The following STARD9 variants were observed in gnomAD, a reference collection of about 807,000 sequenced individuals.
STARD9 encodes StAR related lipid transfer domain containing 9.
A neutral mutation model predicts 399.8 loss-of-function variants in STARD9; 346 were observed. The observed-to-expected ratio is 0.87, with a 90% CI of 0.79 to 0.95. The LOEUF is 0.95. Among genes scored for constraint, STARD9 ranks in the 40% least tolerant of loss-of-function variants. The pLI, the probability that STARD9 is intolerant of heterozygous loss-of-function variation, is 0.00. For missense variants in STARD9, 5,832 were observed against 5,667.5 expected (o/e 1.03, Z -0.93); for synonymous variants, 2,203 against 2,143.5 (o/e 1.03, Z -0.77).
At chr15:42,676,126 G>T (rs1409889613) in intron 20 of STARD9, among the ~76,000 whole-genome samples, 151 bp downstream of exon 20, 1 of 152,186 alleles carries the variant, frequency 6.6e-6, no homozygotes, top group Non-Finnish European at 1.5e-5. Context: ...CAAGTCATTT[G>T]ATGATGCTGA....
chr15:42,680,884 C>T (rs2060413631), intron 20 of STARD9, among the ~76,000 whole-genome samples: 1 of 151,910 alleles, frequency 6.6e-6, no homozygotes, highest in Admixed American at 6.6e-5. Flanking sequence ...CTTTGGGTCA[C>T]ACACACACAG....
chr15:42,581,394 A>G, intron 1 of STARD9: 1 of 1,503,038 alleles, frequency 6.7e-7, no homozygotes, highest in Non-Finnish European at 9.2e-7. Context: ...GCAATAGTCA[A>G]GAGGTAGCTG....
chr15:42,636,097 G>A (rs1187795708), intron 4 of STARD9, among the ~76,000 whole-genome samples: 2 of 152,124 alleles, frequency 1.3e-5, no homozygotes, highest in East Asian at 3.9e-4. Flanking sequence ...AGGAATTTGA[G>A]AACAGTCTAG....
chr15:42,719,114 A>T (rs114427996), intron 32 of STARD9, among the ~76,000 whole-genome samples: 1 of 152,300 alleles, frequency 6.6e-6, no homozygotes, highest in African/African-American at 2.4e-5. Context: ...GGAGTTTATC[A>T]ATCTTTTCTG....
chr15:42,602,261 A>G (rs947959900), intron 3 of STARD9, among the ~76,000 whole-genome samples: 2 of 152,248 alleles, frequency 1.3e-5, no homozygotes, highest in Admixed American at 6.5e-5. Context: ...TTATCTCTTA[A>G]AGCCAAAGCC....
At position 42,694,646 on chromosome 15, in the gene STARD9, TTCA is replaced by T. The variant is rs1434339896; in HGVS notation, c.12886_12888del (p.Ile4296del). 8.5e-6 allele frequency: 13 copies of T among 1,536,546 alleles called. No homozygotes were observed. Among genetic ancestry groups the T allele is most frequent in the Non-Finnish European group, 1.1e-5 (13 of 1,146,446 alleles). ...GAGCCTCCTGCCCAACAAAGATCTC[TTCA>T]TCTGGGATCTTGACTTGCCCAGCAG... On this transcript the variant is annotated inframe_deletion, in exon 24 of 33. Transcript: ENST00000290607.
chr15:42,666,900 C>A (rs948976471), intron 15 of STARD9, among the ~76,000 whole-genome samples: 3 of 146,502 alleles, frequency 2.0e-5, no homozygotes, highest in Non-Finnish European at 4.5e-5. Context: ...CTGCAACCTC[C>A]GCCTTCCAGG....
chr15:42,691,969 G>C lies in STARD9; in HGVS notation c.10391G>C (p.Ser3464Thr), dbSNP rs1173619171. The C allele has an allele frequency of 6.5e-7, 1 of 1,537,282 alleles. No homozygotes were observed. Among genetic ancestry groups the C allele is most frequent in the Admixed American group, 2.0e-5 (1 of 50,998 alleles). The stretch of plus-strand genomic sequence containing the variant: ...AAAGGAATGCTGCACTTTGGCTCCA[G>C]TGACATCAGTCCCTATGCGCTGCCG... ...MDKGMLHFGS[S>T]DISPYALPWR... The change falls in exon 23 of 33, where the codon AGT becomes ACT. Residue 3464 changes from serine to threonine, a missense_variant. This residue lies in a region of STARD9 where 5,828 missense variants were observed against 5,651.1 expected (regional missense o/e 1.03). Coordinates refer to ENST00000290607, the MANE Select transcript of STARD9 (RefSeq NM_020759.3).
At chr15:42,595,026 G>A (rs529629900) in intron 3 of STARD9, among the ~76,000 whole-genome samples, 10 of 152,284 alleles carry the variant, frequency 6.6e-5, no homozygotes, top group African/African-American at 2.2e-4. Flanking sequence ...CAGAAAGTAC[G>A]CAGGATGAGC....
chr15:42,685,875 C>A lies in STARD9; in HGVS notation c.4297C>A (p.Gln1433Lys), dbSNP rs750218336. 8.3e-5 allele frequency: 127 copies of A among 1,537,140 alleles called. No individual in the cohort carries two copies. In the African/African-American group the frequency reaches 1.6e-3, roughly 20 times the overall value. ...TCTCTGGGGAATTCAAAGGCTTATT[C>A]AACCAGGAGCTGATGGCACCTTTCA... ...LSLWGIQRLIQPGADGTFQGR... is the reference protein window; with the variant it reads ...LSLWGIQRLIKPGADGTFQGR... The change falls in exon 23 of 33, where the codon CAA (glutamine) becomes AAA (lysine). Residue 1433 changes from glutamine to lysine, a missense_variant. Around this residue, in one of 2 missense-constraint regions of STARD9, gnomAD observed 5,828 missense variants for 5,651.1 expected, o/e 1.03. Transcript: ENST00000290607.
rs1198937058 is a variant in STARD9, at chr15:42,691,756, G to A, written c.10178G>A (p.Gly3393Glu). The A allele has an allele frequency of 4.6e-6, 7 of 1,537,164 alleles. No individual in the cohort carries two copies. The highest frequency in any genetic ancestry group is 6.1e-6 in the Non-Finnish European group (7 of 1,146,886). ...AAAGCCTCATCTCGCTTGGATGATG[G>A]GACTACCGATCACAGGCACCTGAAG... The part of the protein sequence containing the change: ...NQKASSRLDD[G>E]TTDHRHLKPA... The change falls in exon 23 of 33, where the codon GGG (glycine) becomes GAG (glutamate). Residue 3393 changes from glycine to glutamate, a missense_variant. Gly to Glu is a moderately conservative substitution (Grantham distance 98, BLOSUM62 -2). Around this residue, in one of 2 missense-constraint regions of STARD9, gnomAD observed 5,828 missense variants for 5,651.1 expected, o/e 1.03. Transcript: ENST00000290607.
chr15:42,688,798 G>A lies in STARD9; in HGVS notation c.7220G>A (p.Trp2407Ter), dbSNP rs748508010. Residue 2407 changes from tryptophan (W) to a stop codon, truncating the protein, a stop_gained, in exon 23 of 33, where the codon TGG (tryptophan) becomes TAG (stop). Transcript: ENST00000290607. LOFTEE classifies it high-confidence loss of function. ...CGTTCCTCTGAGGCACACACTGCCT[G>A]GTGTGGGTCTGTGCGATCCATGGCC... is the stretch of plus-strand genomic sequence containing the variant. Reference protein sequence around the residue: ...RGRSSEAHTAWCGSVRSMAMG... With the variant: ...RGRSSEAHTA 1 of 1,537,470 alleles carries A rather than the reference G, an allele frequency of 6.5e-7. No individual in the cohort carries two copies.
At chr15:42,660,330 C>T (rs764494691) in intron 9 of STARD9, among the ~76,000 whole-genome samples, 3 of 152,002 alleles carry the variant, frequency 2.0e-5, no homozygotes, top group Non-Finnish European at 4.4e-5. Context: ...TTTGGGAGGC[C>T]GAGGCAGGCA....
intron 22 of STARD9, among the ~76,000 whole-genome samples, chr15:42,682,830 A>G (rs1056546594): frequency 6.6e-6 from 1 of 152,056 alleles, no homozygotes; most frequent in African/African-American, 2.4e-5. Flanking sequence ...ACATCTTAGG[A>G]GTAAGGATCT....
intron 1 of STARD9, chr15:42,581,222 C>G (rs1410460976): frequency 1.3e-6 from 1 of 788,490 alleles, no homozygotes; most frequent in African/African-American, 1.7e-5. Context: ...CTTGTGGAGT[C>G]TTCAGTTAAG....
rs1183975110 is a variant in STARD9, at chr15:42,690,476, T to G, written c.8898T>G (p.Ala2966=). Residue 2966 remains alanine (A), a synonymous_variant, in exon 23 of 33, where the codon GCT becomes GCG. Coordinates refer to ENST00000290607, the MANE Select transcript of STARD9 (RefSeq NM_020759.3). ...PCSSQPVATH[A]YSSHSSTLLC... is the part of the protein sequence containing the mutation. ...GTTCTCAACCTGTTGCTACTCATGC[T>G]TATTCCTCCCATTCCTCTACTTTAC... is the stretch of plus-strand genomic sequence containing the variant. 6.5e-6 allele frequency: 10 copies of G among 1,537,116 alleles called. No homozygotes were observed. Among genetic ancestry groups the G allele is most frequent in the Admixed American group, 2.0e-5 (1 of 50,986 alleles).
chr15:42,691,457 T>C lies in STARD9; in HGVS notation c.9879T>C (p.Thr3293=). The C allele has an allele frequency of 6.5e-7, 1 of 1,537,202 alleles. No homozygotes were observed. Among genetic ancestry groups the C allele is most frequent in the Non-Finnish European group, 8.7e-7 (1 of 1,146,886 alleles). ...PAAQRSGHLY[T]GREQPAPNHR... ...CTCAGAGGAGTGGCCACCTCTACAC[T>C]GGCAGAGAGCAGCCAGCACCCAACC... Residue 3293 remains threonine (T), a synonymous_variant, in exon 23 of 33, where the codon ACT becomes ACC. Coordinates refer to ENST00000290607, the MANE Select transcript of STARD9 (RefSeq NM_020759.3).
At chr15:42,713,136 A>G (rs1351921434) in intron 26 of STARD9, among the ~76,000 whole-genome samples, 1 of 152,214 alleles carries the variant, frequency 6.6e-6, no homozygotes, top group Non-Finnish European at 1.5e-5. Context: ...AAGTTTTCAG[A>G]GTATAAGTTT....
Position 42,695,257 on chromosome 15 carries a change from A to G in STARD9, c.13080A>G (p.Gln4360=), listed in dbSNP as rs1194233439. The part of the protein sequence containing the change: ...AKVEIARARD[Q]LRERTEQEKL... ...TGGAGATTGCCCGGGCCCGAGACCA[A>G]CTGCGGGAGCGGACTGAACAAGAGA... The change falls in exon 25 of 33, where the codon CAA becomes CAG. Residue 4360 remains glutamine (Q), a synonymous_variant. Transcript: ENST00000290607. 1 of 1,537,128 alleles carries G rather than the reference A, an allele frequency of 6.5e-7. No homozygotes were observed. Among genetic ancestry groups the G allele is most frequent in the Non-Finnish European group, 8.7e-7 (1 of 1,146,890 alleles).
Sources: gnomAD v4.1 joint callset for allele counts (sites outside exome capture counted in the v4.1 genomes callset) on GRCh38, gnomAD v4.1.1 for gene constraint, gnomAD v4.1.1 regional missense constraint, MANE v1.5 for transcripts, NCBI Gene and HGNC (gene_info 2026-07-23, HGNC 2026-07-21) for gene names.